KIAA1217: variants seen among roughly 807,000 people sequenced by gnomAD.
KIAA1217 encodes the protein KIAA1217, also known as sickle tail protein homolog.
In KIAA1217, 88 loss-of-function variants were observed where a neutral mutation model predicts 163.9. The observed-to-expected ratio is 0.54, with a 90% CI of 0.45 to 0.64. KIAA1217 has a LOEUF of 0.64. Ranked by LOEUF, KIAA1217 falls within the 30% of genes least tolerant of loss-of-function variation. The pLI is 0.00. For missense variants in KIAA1217, 2,372 were observed against 2,475.0 expected, an observed-to-expected ratio of 0.96 and a Z score of 0.88; for synonymous variants, 903 against 923.1, an observed-to-expected ratio of 0.98 and a Z score of 0.39.
chr10:24,493,704 A>C (rs2066426645), intron 6 of KIAA1217, among the ~76,000 whole-genome samples: 1 of 152,200 alleles, frequency 6.6e-6, no homozygotes. Context: ...GTGATTCTAT[A>C]AAAACCTCCA....
chr10:23,807,470 G>C (rs920488160), intron 1 of KIAA1217, among the ~76,000 whole-genome samples: 6 of 152,254 alleles, frequency 3.9e-5, no homozygotes, highest in Non-Finnish European at 8.8e-5. Context: ...AGTGTGGAGT[G>C]GGGGGATTAA....
chr10:24,069,133 G>T (rs1015726306), intron 2 of KIAA1217, among the ~76,000 whole-genome samples: 4 of 152,164 alleles, frequency 2.6e-5, no homozygotes, highest in African/African-American at 7.2e-5. Context: ...AGTGTTCATG[G>T]GCTAGTTCAA....
chr10:24,200,411 C>T (rs1430759564), intron 2 of KIAA1217, among the ~76,000 whole-genome samples: 2 of 152,098 alleles, frequency 1.3e-5, no homozygotes, highest in African/African-American at 4.8e-5. Context: ...CCTCAGCCTC[C>T]CATGTAGCTA....
chr10:24,179,084 A>G (rs1416079071), intron 2 of KIAA1217, among the ~76,000 whole-genome samples: 5 of 152,234 alleles, frequency 3.3e-5, no homozygotes, highest in African/African-American at 1.2e-4. Context: ...TTTATCTCCC[A>G]TGTACACAGA....
intron 1 of KIAA1217, among the ~76,000 whole-genome samples, chr10:24,001,782 A>C (rs1846753651): frequency 6.6e-6 from 1 of 152,198 alleles, no homozygotes; most frequent in African/African-American, 2.4e-5. Flanking sequence ...AACCCTGAGC[A>C]TCTCATCTGG....
chr10:24,539,020 C>G (rs1002664762), intron 17 of KIAA1217, among the ~76,000 whole-genome samples: 1 of 151,994 alleles, frequency 6.6e-6, no homozygotes, highest in African/African-American at 2.4e-5. Flanking sequence ...GCGTGAGCCA[C>G]CGCACCCAGC....
At chr10:24,266,251 G>A (rs564618701) in intron 2 of KIAA1217, among the ~76,000 whole-genome samples, 2 of 152,120 alleles carry the variant, frequency 1.3e-5, no homozygotes, top group South Asian at 4.1e-4. Flanking sequence ...GCTAATTTTT[G>A]TATTTTTAGT....
chr10:24,415,110 C>CT (rs71397948), intron 3 of KIAA1217, among the ~76,000 whole-genome samples: 11,480 of 120,104 alleles, frequency 0.096, 1,429 homozygotes, highest in African/African-American at 0.27. Flanking sequence ...TGATCTCTCT[C>CT]TTTTTTTTTT....
intron 1 of KIAA1217, among the ~76,000 whole-genome samples, chr10:23,804,678 G>A (rs147535278): frequency 5.3e-5 from 8 of 152,242 alleles, no homozygotes; most frequent in African/African-American, 1.9e-4. Context: ...GCCAGTGTCT[G>A]AAGTATATAT....
chr10:23,795,005 T>G (rs561181762), intron 1 of KIAA1217, among the ~76,000 whole-genome samples: 73 of 152,344 alleles, frequency 4.8e-4, no homozygotes, highest in African/African-American at 1.6e-3. Context: ...CAGGGCTTTC[T>G]TCCTCACGGG....
At chr10:24,289,869 A>G (rs1047436791) in intron 2 of KIAA1217, among the ~76,000 whole-genome samples, 1 of 152,098 alleles carries the variant, frequency 6.6e-6, no homozygotes, top group African/African-American at 2.4e-5. Flanking sequence ...GCTTTGAGAA[A>G]AGTATGGGCA....
intron 2 of KIAA1217, among the ~76,000 whole-genome samples, chr10:24,313,965 G>A (rs1368246486): frequency 6.7e-6 from 1 of 149,042 alleles, no homozygotes; most frequent in Non-Finnish European, 1.5e-5. Flanking sequence ...TCAGCCTCCC[G>A]AGTAGCTGGG....
At chr10:24,494,842 C>T (rs1470207874) in intron 7 of KIAA1217, 1 of 575,646 alleles carries the variant, frequency 1.7e-6, no homozygotes, top group Non-Finnish European at 3.0e-6. Flanking sequence ...GGTAAATGGG[C>T]TTCCCAGTGC....
At chr10:23,814,134 G>C (rs1002029530) in intron 1 of KIAA1217, among the ~76,000 whole-genome samples, 1 of 152,162 alleles carries the variant, frequency 6.6e-6, no homozygotes, top group Non-Finnish European at 1.5e-5. Flanking sequence ...ATCTCTGAGA[G>C]AGATGGCTTC....
intron 1 of KIAA1217, among the ~76,000 whole-genome samples, chr10:23,748,457 G>C (rs1257867399): frequency 5.9e-5 from 8 of 135,064 alleles, no homozygotes; most frequent in African/African-American, 2.4e-4. Flanking sequence ...AGGAAGGAAG[G>C]AAGCAAGGAA....
At chr10:24,175,857 G>C (rs2065862226) in intron 2 of KIAA1217, among the ~76,000 whole-genome samples, 1 of 152,118 alleles carries the variant, frequency 6.6e-6, no homozygotes. Flanking sequence ...TGGGTTCATT[G>C]TCTCACTGGC....
intron 2 of KIAA1217, among the ~76,000 whole-genome samples, chr10:24,162,520 G>A (rs1054351455): frequency 1.3e-5 from 2 of 152,232 alleles, no homozygotes; most frequent in African/African-American, 4.8e-5. Flanking sequence ...TCTGTGCAAG[G>A]AGTGAGAAGG....
intron 5 of KIAA1217, among the ~76,000 whole-genome samples, chr10:24,467,729 T>A (rs2063090977): frequency 6.6e-6 from 1 of 152,068 alleles, no homozygotes; most frequent in African/African-American, 2.4e-5. Context: ...ATTAGTAGCA[T>A]CAGAGAGATC....
At chr10:24,344,375 G>A (rs1323374393) in intron 2 of KIAA1217, among the ~76,000 whole-genome samples, 3 of 152,134 alleles carry the variant, frequency 2.0e-5, no homozygotes, top group African/African-American at 4.8e-5. Flanking sequence ...GTGGCACATC[G>A]AATAGAGTTA....
Sources: allele counts gnomAD v4.1 joint callset (sites outside exome capture counted in the v4.1 genomes callset), GRCh38; gene constraint gnomAD v4.1.1; transcripts MANE v1.5; gene names NCBI Gene and HGNC (gene_info 2026-07-23, HGNC 2026-07-21).